Variants in CIMIP1 observed in about 807,000 individuals in gnomAD.
The protein encoded by CIMIP1 is low in lung cancer 1.
At chr20:58,159,300 G>C in the CIMIP1 span, among the ~76,000 whole-genome samples, 2 of 145,264 alleles carry the variant, frequency 1.4e-5, no homozygotes, top group African/African-American at 5.1e-5. Flanking sequence ...TGGATCAACT[G>C]AGGTCAGGAG....
the CIMIP1 span, among the ~76,000 whole-genome samples, chr20:58,158,764 T>C: frequency 6.6e-6 from 1 of 152,214 alleles, no homozygotes; most frequent in Non-Finnish European, 1.5e-5. Context: ...GTAACCTTGA[T>C]ACCTAAAAGG....
the CIMIP1 span, among the ~76,000 whole-genome samples, chr20:58,160,060 C>A: frequency 6.6e-6 from 1 of 152,176 alleles, no homozygotes; most frequent in South Asian, 2.1e-4. Flanking sequence ...CAGATTATTT[C>A]AAAAGAAGGG....
the CIMIP1 span, among the ~76,000 whole-genome samples, chr20:58,154,014 A>G: frequency 1.7e-4 from 26 of 152,200 alleles, no homozygotes; most frequent in African/African-American, 5.5e-4. Flanking sequence ...CCATCTGTAA[A>G]GTGGGATGAG....
chr20:58,158,899 T>C, the CIMIP1 span, among the ~76,000 whole-genome samples: 1 of 152,192 alleles, frequency 6.6e-6, no homozygotes, highest in Non-Finnish European at 1.5e-5. Flanking sequence ...ACACAGCTTG[T>C]ACCATACTTT....
At chr20:58,157,496 C>A in the CIMIP1 span, among the ~76,000 whole-genome samples, 2 of 152,190 alleles carry the variant, frequency 1.3e-5, no homozygotes, top group Non-Finnish European at 2.9e-5. Context: ...ACAAATCAAA[C>A]TACACAGGCT....
At chr20:58,156,389 A>C in the CIMIP1 span, among the ~76,000 whole-genome samples, 20 of 151,510 alleles carry the variant, frequency 1.3e-4, no homozygotes, top group Admixed American at 1.3e-3. Context: ...GATAGAACAC[A>C]GGCTGCTATG....
the CIMIP1 span, among the ~76,000 whole-genome samples, chr20:58,154,463 A>G: frequency 1.3e-5 from 2 of 152,238 alleles, no homozygotes; most frequent in Non-Finnish European, 2.9e-5. Flanking sequence ...GACAGAACAC[A>G]AGAGATGCAG....
chr20:58,160,824 T>A, the CIMIP1 span: 2 of 1,610,038 alleles, frequency 1.2e-6, no homozygotes, highest in Non-Finnish European at 1.7e-6. Flanking sequence ...GTGCACTGAA[T>A]CCAGACGGAG....
chr20:58,155,695 GCCAGGTGCAGAGT>G, the CIMIP1 span: 1 of 740,826 alleles, frequency 1.3e-6, no homozygotes, highest in Admixed American at 2.6e-5. Flanking sequence ...GCACAGCAGT[GCCAGGTGCAGAGT>G]CCAGGTCCAC....
chr20:58,160,679 G>C, the CIMIP1 span: 1 of 1,613,864 alleles, frequency 6.2e-7, no homozygotes, highest in Non-Finnish European at 8.5e-7. Flanking sequence ...ATCCCCCCCA[G>C]TCCCACAGAC....
chr20:58,153,893 A>T, the CIMIP1 span, among the ~76,000 whole-genome samples: 123 of 152,302 alleles, frequency 8.1e-4, no homozygotes, highest in African/African-American at 2.8e-3. Context: ...ATGCCCATTT[A>T]CAAATTAGGA....
the CIMIP1 span, chr20:58,153,763 G>T: frequency 3.5e-5 from 23 of 661,706 alleles, no homozygotes; most frequent in Admixed American, 8.8e-5. Flanking sequence ...AAACCAGAAG[G>T]TTCCCGCCTT....
chr20:58,151,176 G>T, the CIMIP1 span: 1 of 723,476 alleles, frequency 1.4e-6, no homozygotes, highest in Non-Finnish European at 2.3e-6. Context: ...AGGATGGTCA[G>T]GGGCCTTGAG....
chr20:58,151,016 G>C, the CIMIP1 span: 1 of 1,608,332 alleles, frequency 6.2e-7, no homozygotes, highest in South Asian at 1.1e-5. Flanking sequence ...GAACCTTGTG[G>C]GTCAGGATGA....
chr20:58,154,303 C>T, the CIMIP1 span, among the ~76,000 whole-genome samples: 3 of 152,216 alleles, frequency 2.0e-5, no homozygotes, highest in African/African-American at 4.8e-5. Flanking sequence ...CCAAGTGAAA[C>T]CATATGGGAA....
chr20:58,155,551 A>T, the CIMIP1 span: 3 of 1,614,070 alleles, frequency 1.9e-6, no homozygotes, highest in Non-Finnish European at 2.5e-6. Context: ...CGGTGACCCC[A>T]GTGGAGAAGT....
At chr20:58,151,914 ATC>A in the CIMIP1 span, among the ~76,000 whole-genome samples, 1 of 152,174 alleles carries the variant, frequency 6.6e-6, no homozygotes, top group African/African-American at 2.4e-5. Flanking sequence ...GTATTATTGC[ATC>A]TCTTTGAAAG....
At chr20:58,160,557 TG>T in the CIMIP1 span, 1 of 1,275,480 alleles carries the variant, frequency 7.8e-7, no homozygotes, top group Non-Finnish European at 1.1e-6. Context: ...TCAGGGAGGC[TG>T]GCTTTTCTTT....
At chr20:58,152,445 T>C in the CIMIP1 span, among the ~76,000 whole-genome samples, 6 of 151,654 alleles carry the variant, frequency 4.0e-5, no homozygotes, top group Non-Finnish European at 8.8e-5. Context: ...AAAAAGATTA[T>C]TTAAGTGACT....
Sources: gnomAD v4.1 joint callset for allele counts (sites outside exome capture counted in the v4.1 genomes callset) on GRCh38, gnomAD v4.1.1 for gene constraint, MANE v1.5 for transcripts, NCBI Gene and HGNC (gene_info 2026-07-23, HGNC 2026-07-21) for gene names.